FADS2: variants seen among roughly 807,000 people sequenced by gnomAD.
The protein encoded by FADS2 is fatty acid desaturase 2.
A neutral mutation model predicts 61.2 loss-of-function variants in FADS2; 18 were observed. The ratio of observed to expected loss-of-function variants is 0.29; its 90% CI spans 0.20 to 0.44. FADS2 has a LOEUF of 0.44. FADS2 is among the 20% of genes least tolerant of loss of function. FADS2 has a pLI of 1.00. For synonymous variants in FADS2, 203 were observed against 223.9 expected (o/e 0.91, Z 0.83); for missense variants, 322 against 572.7 (o/e 0.56, Z 4.47).
At chr11:61,864,863 A>G (rs1483964928) in intron 10 of FADS2, among the ~76,000 whole-genome samples, 1 of 152,084 alleles carries the variant, frequency 6.6e-6, no homozygotes, top group African/African-American at 2.4e-5. Context: ...AGCATTCCCC[A>G]GCTATTTCAT....
chr11:61,856,836 C>T, intron 5 of FADS2, 175 bp from the exon 6 acceptor site: 2 of 622,248 alleles, frequency 3.2e-6, no homozygotes, highest in Non-Finnish European at 2.9e-6. Flanking sequence ...GCATGGGGAG[C>T]CCAGAGGGCT....
At chr11:61,860,542 C>T (rs868582552) in intron 7 of FADS2, among the ~76,000 whole-genome samples, 5 of 152,206 alleles carry the variant, frequency 3.3e-5, no homozygotes, top group African/African-American at 1.2e-4. Flanking sequence ...CCCCTCGCTC[C>T]GCCTCTTTGG....
At chr11:61,824,386 GAA>G (rs1213150632), upstream of FADS2, among the ~76,000 whole-genome samples, 41 of 115,452 alleles carry the variant, frequency 3.6e-4, 1 homozygote, top group Middle Eastern at 4.3e-3. Flanking sequence ...CATCTTGGGG[GAA>G]AAAAAAAGAG....
At chr11:61,854,876 C>T (rs1337158264) in intron 5 of FADS2, 3 of 152,238 alleles carry the variant, frequency 2.0e-5, no homozygotes, top group Admixed American at 6.5e-5. Context: ...TTTTGCTCAC[C>T]GTCCCACAGA....
chr11:61,859,215 G>GC (rs2067392061), intron 7 of FADS2, among the ~76,000 whole-genome samples: 1 of 152,074 alleles, frequency 6.6e-6, no homozygotes, highest in Non-Finnish European at 1.5e-5. Flanking sequence ...GCGCCACCAT[G>GC]CCCAGCTAAT....
At chr11:61,857,987 T>A (rs1221435576) in intron 7 of FADS2, among the ~76,000 whole-genome samples, 1 of 152,194 alleles carries the variant, frequency 6.6e-6, no homozygotes, top group South Asian at 2.1e-4. Flanking sequence ...GCAGCAGCGA[T>A]GTGTTTTCTC....
intron 7 of FADS2, among the ~76,000 whole-genome samples, chr11:61,857,876 C>T (rs1289592670): frequency 6.6e-6 from 1 of 152,236 alleles, no homozygotes; most frequent in African/African-American, 2.4e-5. Flanking sequence ...GGTTGCCCCA[C>T]ACCCTGGTTT....
chr11:61,863,766 T>C lies in FADS2; in HGVS notation c.1137T>C (p.Leu379=), dbSNP rs1271312500. Residue 379 remains leucine, a synonymous_variant, in exon 10 of 12, where the codon CTT becomes CTC. Transcript: ENST00000278840. ...SFFNDWFSGH[L]NFQIEHHLFP... is the part of the protein sequence containing the mutation. The stretch of plus-strand genomic sequence containing the variant: ...TCAACGACTGGTTCAGTGGACACCT[T>C]AACTTCCAGATTGAGCACCAGTGAG... The C allele has an allele frequency of 1.2e-6, 2 of 1,613,948 alleles. No homozygotes were observed. Among genetic ancestry groups the C allele is most frequent in the Non-Finnish European group, 1.7e-6 (2 of 1,179,936 alleles).
At chr11:61,835,226 T>C (rs1335688432) in intron 1 of FADS2, among the ~76,000 whole-genome samples, 1 of 152,172 alleles carries the variant, frequency 6.6e-6, no homozygotes, top group Non-Finnish European at 1.5e-5. Context: ...GAAGTGTTGC[T>C]TTGTCAGTCT....
upstream of FADS2, chr11:61,816,248 C>G (rs773804082): frequency 4.6e-5 from 73 of 1,596,874 alleles, no homozygotes; most frequent in Non-Finnish European, 6.0e-5. The surrounding 1 kb of genome is among the most constrained non-coding windows in gnomAD (Gnocchi z 7.0). Context: ...GGGGTTCTGT[C>G]CCCGCCCAGA....
rs1215067486 is a variant in FADS2 at position 61,863,746 on chromosome 11, G to A, written c.1117G>A (p.Asp373Asn). 1.9e-6 allele frequency: 3 copies of A among 1,614,152 alleles called. No homozygotes were observed. The highest frequency in any genetic ancestry group is 1.7e-4 in the Middle Eastern group (1 of 6,060). The change falls in exon 10 of 12, where the codon GAC becomes AAC. Residue 373 changes from aspartate (D) to asparagine (N), a missense_variant. Asp to Asn is a conservative substitution (Grantham distance 23). This residue lies in a region of FADS2 where 221 missense variants were observed against 427.9 expected (regional missense o/e 0.52). Transcript: ENST00000278840. ...CAACGTGGAGCAGTCCTTCTTCAAC[G>A]ACTGGTTCAGTGGACACCTTAACTT... is the stretch of plus-strand genomic sequence containing the variant. The part of the protein sequence containing the change: ...TCNVEQSFFN[D>N]WFSGHLNFQI...
In FADS2 at chr11:61,816,264, G is replaced by C; in HGVS notation, c.-22G>C. The C allele has an allele frequency of 3.1e-6, 5 of 1,598,108 alleles. No individual in the cohort carries two copies. In the South Asian group the frequency reaches 4.4e-5, roughly 14 times the overall value. Reference sequence around the variant, plus strand: ...GGGTTCTGTCCCCGCCCAGAGACCTGAGGCTCGGGGCTGCAGATGGAATGC... The same window carrying C: ...GGGTTCTGTCCCCGCCCAGAGACCTCAGGCTCGGGGCTGCAGATGGAATGC... On this transcript the variant is annotated 5_prime_UTR_variant, in exon 1 of 12. Coordinates refer to the FADS2 transcript ENST00000257261. The surrounding 1 kb of genome is among the most constrained non-coding windows in gnomAD (Gnocchi z 7.0).
Position 61,837,844 on chromosome 11 carries a change from G to A in FADS2, c.274G>A (p.Gly92Ser). ...CAAGTTCTTGAAACCCCTGCTGATTGGTGAACTGGCCCCGGAGGAGCCCAG... is the reference window on the plus strand; with the variant it reads ...CAAGTTCTTGAAACCCCTGCTGATTAGTGAACTGGCCCCGGAGGAGCCCAG... Reference protein sequence around the residue: ...VGKFLKPLLIGELAPEEPSQD... With the variant: ...VGKFLKPLLISELAPEEPSQD... Residue 92 changes from glycine to serine, a missense_variant, in exon 2 of 12, where the codon GGT (glycine) becomes AGT (serine). Around this residue, in one of 3 missense-constraint regions of FADS2, gnomAD observed 40 missense variants for 37.3 expected, o/e 1.07. Coordinates refer to ENST00000278840, the MANE Select transcript of FADS2 (RefSeq NM_004265.4). 6.2e-7 allele frequency: 1 copy of A among 1,613,916 alleles called. No homozygotes were observed. Among genetic ancestry groups the A allele is most frequent in the Non-Finnish European group, 8.5e-7 (1 of 1,179,920 alleles).
chr11:61,834,752 T>C (rs2067156812), intron 1 of FADS2, among the ~76,000 whole-genome samples: 1 of 152,102 alleles, frequency 6.6e-6, no homozygotes, highest in Non-Finnish European at 1.5e-5. Context: ...TGTTCATTTC[T>C]CAAAGGCCGT....
intron 5 of FADS2, among the ~76,000 whole-genome samples, chr11:61,853,403 G>A (rs1307059403): frequency 1.3e-5 from 2 of 150,746 alleles, no homozygotes; most frequent in Admixed American, 6.7e-5. Context: ...TCTGTTTTCT[G>A]CTTTGGGTTT....
chr11:61,827,236 C>T (rs1763900068), upstream of FADS2, among the ~76,000 whole-genome samples: 2 of 152,312 alleles, frequency 1.3e-5, 1 homozygote, highest in Middle Eastern at 6.8e-3. The surrounding 1 kb of genome is among the most constrained non-coding windows in gnomAD (Gnocchi z 4.5). Context: ...CCCTTCGATA[C>T]GGCAGTCTTT....
At chr11:61,820,978 A>C (rs1168205758) in intron 1 of FADS2, among the ~76,000 whole-genome samples, 1 of 152,228 alleles carries the variant, frequency 6.6e-6, no homozygotes, top group African/African-American at 2.4e-5. Context: ...GTAAGCCTAT[A>C]GGCCACTAGG....
At chr11:61,824,138 T>C (rs2067051199), upstream of FADS2, among the ~76,000 whole-genome samples, 2 of 151,774 alleles carry the variant, frequency 1.3e-5, no homozygotes, top group African/African-American at 4.8e-5. Flanking sequence ...TCCCAGCACT[T>C]TGGGAGGCCG....
At chr11:61,853,246 T>TTTCC (rs2067323847) in intron 5 of FADS2, among the ~76,000 whole-genome samples, 6 of 141,188 alleles carry the variant, frequency 4.2e-5, no homozygotes, top group African/African-American at 1.5e-4. Flanking sequence ...TCTTTCTTTC[T>TTTCC]CTCTCTCTTT....
Sources: allele counts gnomAD v4.1 joint callset (sites outside exome capture counted in the v4.1 genomes callset), GRCh38; gene constraint gnomAD v4.1.1; regional missense constraint gnomAD v4.1.1; non-coding constraint Gnocchi (gnomAD v3.1); transcripts MANE v1.5; gene names NCBI Gene and HGNC (gene_info 2026-07-23, HGNC 2026-07-21).